PCDHA12: variants seen among roughly 807,000 people sequenced by gnomAD.
PCDHA12 encodes protocadherin alpha 12.
PCDHA12 carries 44 observed loss-of-function variants against 60.0 expected under a neutral mutation model. The observed-to-expected ratio is 0.73, with a 90% CI of 0.58 to 0.94. The LOEUF (loss-of-function observed/expected upper bound fraction) is 0.94, where lower values mean the gene tolerates loss of function less well. Among genes scored for constraint, PCDHA12 ranks in the 40% least tolerant of loss-of-function variants. The probability of loss-of-function intolerance (pLI) is 0.00; values close to 1 mark genes in which losing one functional copy is unlikely to be tolerated. For synonymous variants in PCDHA12, 569 were observed against 553.0 expected, an observed-to-expected ratio of 1.03 and a Z score of -0.40; for missense variants, 1,276 against 1,239.7, an observed-to-expected ratio of 1.03 and a Z score of -0.44.
intron 1 of PCDHA12, among the ~76,000 whole-genome samples, chr5:140,900,452 T>A (rs2068062293): frequency 6.6e-6 from 1 of 152,222 alleles, no homozygotes; most frequent in South Asian, 2.1e-4. Flanking sequence ...TAATTTTTTA[T>A]TTTTAGTAGA....
intron 1 of PCDHA12, among the ~76,000 whole-genome samples, chr5:140,950,750 C>T (rs1320735521): frequency 3.3e-5 from 5 of 151,928 alleles, no homozygotes; most frequent in Non-Finnish European, 7.4e-5. Flanking sequence ...TCTCTCTATC[C>T]TTTCTGGACT....
Position 141,010,647 on chromosome 5 carries a change from GT to G in PCDHA12, c.*714del, listed in dbSNP as rs782752760. ...CATACCTGCAAGCCAACAGTTCAGT[GT>G]TTTAACAGAGAACCACCCTGGGAAA... On this transcript the variant is annotated 3_prime_UTR_variant, in exon 4 of 4. Coordinates refer to ENST00000398631, the MANE Select transcript of PCDHA12 (RefSeq NM_018903.4). 4.6e-5 allele frequency: 8 copies of G among 173,154 alleles called. No homozygotes were observed. Among genetic ancestry groups the G allele is most frequent in the Admixed American group, 1.2e-4 (2 of 16,978 alleles). 10.7% of individuals were successfully genotyped at this position (173,154 alleles called of 1,614,324 possible).
In PCDHA12 at chr5:140,876,984, G is replaced by C. The variant is rs2056761931; in HGVS notation, c.1512G>C (p.Leu504=). 5.6e-6 allele frequency: 9 copies of C among 1,612,672 alleles called. No individual in the cohort carries two copies. Among genetic ancestry groups the C allele is most frequent in the African/African-American group, 1.3e-5 (1 of 75,030 alleles). ...AGCGGCGGGTGGGCGAGCACGCACT[G>C]TCGAGCTACGTGTCGGTGCACGCGG... ...LVERRVGEHA[L]SSYVSVHAES... Residue 504 remains leucine, a synonymous_variant, in exon 1 of 4, where the codon CTG becomes CTC. Transcript: ENST00000398631.
In PCDHA12 at chr5:141,011,003, C is replaced by T. The variant is rs748731648; in HGVS notation, c.*1066C>T. ...ATTGCCTGAAACATCTGTATTATAT[C>T]GGCCACCTGCCAATCACAGCTTTAC... On this transcript the variant is annotated 3_prime_UTR_variant, in exon 4 of 4. Coordinates refer to ENST00000398631, the MANE Select transcript of PCDHA12 (RefSeq NM_018903.4). 1 of 153,706 alleles carries T rather than the reference C, an allele frequency of 6.5e-6. No individual in the cohort carries two copies. The highest frequency in any genetic ancestry group is 2.1e-4 in the South Asian group (1 of 4,816). 9.5% of individuals were successfully genotyped at this position (153,706 alleles called of 1,614,324 possible).
At chr5:140,999,319 T>G (rs2097853876) in intron 3 of PCDHA12, among the ~76,000 whole-genome samples, 1 of 152,236 alleles carries the variant, frequency 6.6e-6, no homozygotes, top group African/African-American at 2.4e-5. Flanking sequence ...TGACAGACAT[T>G]GATCTGTGTG....
intron 1 of PCDHA12, chr5:140,967,282 G>A (rs1463734502): frequency 1.1e-5 from 17 of 1,612,960 alleles, no homozygotes; most frequent in Non-Finnish European, 1.4e-5. Context: ...TAGAGAGTGC[G>A]CAGGACCCCG....
chr5:140,921,002 C>T (rs909094860), intron 1 of PCDHA12, among the ~76,000 whole-genome samples: 4 of 151,934 alleles, frequency 2.6e-5, no homozygotes, highest in Admixed American at 6.6e-5. Context: ...TTTTCAGAGT[C>T]AGGGTCTTGC....
At chr5:140,941,317 C>T (rs1264351232) in intron 1 of PCDHA12, among the ~76,000 whole-genome samples, 5 of 99,210 alleles carry the variant, frequency 5.0e-5, no homozygotes, top group Admixed American at 1.1e-4. Flanking sequence ...TTTCTTCTTT[C>T]TCTTTTTTTT....
chr5:140,998,158 T>C (rs1306702034), intron 3 of PCDHA12, among the ~76,000 whole-genome samples: 1 of 152,232 alleles, frequency 6.6e-6, no homozygotes, highest in Non-Finnish European at 1.5e-5. Context: ...AGTTAAGCCA[T>C]GTGCCAAGTA....
At chr5:140,925,690 G>A (rs1029124411) in intron 1 of PCDHA12, among the ~76,000 whole-genome samples, 6 of 149,642 alleles carry the variant, frequency 4.0e-5, no homozygotes, top group African/African-American at 7.4e-5. Context: ...GCGAGGGTGG[G>A]TATCTAGCCT....
intron 1 of PCDHA12, among the ~76,000 whole-genome samples, chr5:140,945,559 A>T (rs1365534966): frequency 6.6e-6 from 1 of 152,096 alleles, no homozygotes; most frequent in Non-Finnish European, 1.5e-5. Flanking sequence ...GAAGCTGAAG[A>T]CATCATACTA....
intron 1 of PCDHA12, among the ~76,000 whole-genome samples, chr5:140,886,622 C>T (rs1483241958): frequency 6.6e-6 from 1 of 151,430 alleles, no homozygotes; most frequent in Non-Finnish European, 1.5e-5. Context: ...GATCAGGAGT[C>T]CGAGACCAGC....
At chr5:140,958,400 A>G (rs1236102640) in intron 1 of PCDHA12, among the ~76,000 whole-genome samples, 1 of 152,196 alleles carries the variant, frequency 6.6e-6, no homozygotes, top group African/African-American at 2.4e-5. Context: ...ATCAAACATT[A>G]TCACTGATGC....
chr5:140,887,885 A>G (rs1281444456), intron 1 of PCDHA12, among the ~76,000 whole-genome samples: 1 of 152,144 alleles, frequency 6.6e-6, no homozygotes, highest in Non-Finnish European at 1.5e-5. Context: ...TTGTAGTATC[A>G]TATCTGTTAA....
intron 1 of PCDHA12, among the ~76,000 whole-genome samples, chr5:140,973,706 G>A (rs143845626): frequency 4.6e-5 from 7 of 152,274 alleles, no homozygotes; most frequent in South Asian, 4.1e-4. Context: ...TCTGACCCAG[G>A]AGTGAGCCAT....
chr5:140,954,610 A>T (rs1464657596), intron 1 of PCDHA12, among the ~76,000 whole-genome samples: 1 of 151,962 alleles, frequency 6.6e-6, no homozygotes, highest in East Asian at 1.9e-4. Flanking sequence ...CCACTTTTTA[A>T]TGGGCTTGTT....
chr5:140,898,156 G>C (rs1176390379), intron 1 of PCDHA12, among the ~76,000 whole-genome samples: 2 of 152,114 alleles, frequency 1.3e-5, no homozygotes, highest in African/African-American at 4.8e-5. Context: ...TCACGCTGAT[G>C]GTGGTTTCTT....
chr5:140,921,630 A>G lies in PCDHA12; in HGVS notation c.2367+43791A>G, dbSNP rs554698507. ...AGAAAAATATCATCAGATCATCATTATGGTAGCTATTTTAAGGGAACTTAA... is the reference window on the plus strand; with the variant it reads ...AGAAAAATATCATCAGATCATCATTGTGGTAGCTATTTTAAGGGAACTTAA... On this transcript the variant is annotated intron_variant, in intron 1 of 3. Coordinates refer to ENST00000398631, the MANE Select transcript of PCDHA12 (RefSeq NM_018903.4). Among the ~76,000 whole-genome samples, 4 of 152,344 alleles carry G rather than the reference A, an allele frequency of 2.6e-5. No homozygotes were observed. The South Asian group carries it at 8.3e-4, about 32-fold the overall frequency.
rs181578390 is a variant in PCDHA12, at chr5:140,923,666, G to A, written c.2367+45827G>A. Among the ~76,000 whole-genome samples, 434 of 152,230 alleles carry A rather than the reference G, an allele frequency of 2.9e-3. 2 individuals are homozygous for A. Among genetic ancestry groups the A allele is most frequent in the Middle Eastern group, 0.014 (4 of 294 alleles). On this transcript the variant is annotated intron_variant, in intron 1 of 3. Coordinates refer to ENST00000398631, the MANE Select transcript of PCDHA12 (RefSeq NM_018903.4). ...TAGCCTCCCTTATCTTTGGGATATC[G>A]TTCTCTCTTAAATGTTGCTTTCTCA...
Sources: gnomAD v4.1 joint callset for allele counts (sites outside exome capture counted in the v4.1 genomes callset) on GRCh38, gnomAD v4.1.1 for gene constraint, MANE v1.5 for transcripts, NCBI Gene and HGNC (gene_info 2026-07-23, HGNC 2026-07-21) for gene names.